Variants in PRKCE observed in about 807,000 individuals in gnomAD.
PRKCE encodes protein kinase C epsilon type.
A neutral mutation model predicts 85.4 loss-of-function variants in PRKCE; 16 were observed. The observed-to-expected ratio is 0.19, with a 90% CI of 0.13 to 0.28. The LOEUF (loss-of-function observed/expected upper bound fraction) is 0.28. Among genes scored for constraint, PRKCE ranks in the 10% least tolerant of loss-of-function variants. The pLI, the probability that PRKCE is intolerant of heterozygous loss-of-function variation, is 1.00. For synonymous variants in PRKCE, 388 were observed against 371.5 expected (o/e 1.04, Z -0.51); for missense variants, 573 against 975.2 (o/e 0.59, Z 5.49).
At chr2:46,016,216 C>T (rs769317554) in intron 10 of PRKCE, among the ~76,000 whole-genome samples, 13 of 152,108 alleles carry the variant, frequency 8.5e-5, no homozygotes, top group Non-Finnish European at 1.6e-4. Context: ...CTATGGTGTG[C>T]AAATCACTGC....
chr2:45,659,154 A>C (rs1370032156), intron 1 of PRKCE, among the ~76,000 whole-genome samples: 1 of 152,166 alleles, frequency 6.6e-6, no homozygotes, highest in African/African-American at 2.4e-5. Flanking sequence ...TTCATTGTGT[A>C]AAGGGCATCT....
chr2:45,678,581 A>ATAAGAGGT (rs1425103056), intron 1 of PRKCE, among the ~76,000 whole-genome samples: 2 of 152,106 alleles, frequency 1.3e-5, no homozygotes, highest in Admixed American at 6.5e-5. Flanking sequence ...CATTTTATAG[A>ATAAGAGGT]TAAGAGGTTA....
chr2:45,798,297 G>T (rs1412975010), intron 1 of PRKCE, among the ~76,000 whole-genome samples: 1 of 152,214 alleles, frequency 6.6e-6, no homozygotes, highest in Non-Finnish European at 1.5e-5. Context: ...GTTTTATTAT[G>T]TCTATTTTAG....
rs1040509159 is a variant in PRKCE at position 46,155,327 on chromosome 2, A to C, written c.1920+4098A>C. ...GGTGAATCTTTGATGGACCCCTTCAAGGAGCTCTTCTCAGCTCCTTGCTGG... is the reference window on the plus strand; with the variant it reads ...GGTGAATCTTTGATGGACCCCTTCACGGAGCTCTTCTCAGCTCCTTGCTGG... On this transcript the variant is annotated intron_variant, in intron 13 of 14. Coordinates refer to ENST00000306156, the MANE Select transcript of PRKCE (RefSeq NM_005400.3). This position sits in a 1 kb window ranked among gnomAD's most constrained non-coding sequence, Gnocchi z 4.7. Among the ~76,000 whole-genome samples, 2 of 152,188 alleles carry C rather than the reference A, an allele frequency of 1.3e-5. No homozygotes were observed. The highest frequency in any genetic ancestry group is 1.3e-4 in the Admixed American group (2 of 15,282).
intron 1 of PRKCE, among the ~76,000 whole-genome samples, chr2:45,771,233 A>G (rs533656411): frequency 6.6e-6 from 1 of 152,334 alleles, no homozygotes; most frequent in Non-Finnish European, 1.5e-5. Flanking sequence ...GGAAGCTGAA[A>G]GGAAAACAAA....
chr2:45,868,184 T>C (rs969933179), intron 2 of PRKCE, among the ~76,000 whole-genome samples: 2 of 149,224 alleles, frequency 1.3e-5, no homozygotes, highest in Non-Finnish European at 3.0e-5. Context: ...AAAACACCCA[T>C]GCCTGGTCTG....
intron 2 of PRKCE, among the ~76,000 whole-genome samples, chr2:45,922,654 G>A (rs115172496): frequency 4.6e-5 from 7 of 152,294 alleles, no homozygotes; most frequent in South Asian, 2.1e-4. Flanking sequence ...CTGGGGTGCC[G>A]TCAGCTCAAG....
chr2:45,716,785 A>G (rs1680163488), intron 1 of PRKCE, among the ~76,000 whole-genome samples: 1 of 152,160 alleles, frequency 6.6e-6, no homozygotes, highest in Non-Finnish European at 1.5e-5. Flanking sequence ...TAGAGGTTTA[A>G]TTGACTCACA....
At position 46,007,490 on chromosome 2, in the gene PRKCE, G is replaced by A; in HGVS notation, c.1092G>A (p.Arg364=). The change falls in exon 9 of 15, where the codon CGG becomes CGA. Residue 364 remains arginine (R), a synonymous_variant. Coordinates refer to ENST00000306156, the MANE Select transcript of PRKCE (RefSeq NM_005400.3). ...TAAAAGAACTTGAGAACAACATTCG[G>A]AAAGCCTTGTCATTTGACAACCGAG... ...QEIKELENNI[R]KALSFDNRGE... The A allele has an allele frequency of 6.3e-7, 1 of 1,599,784 alleles. No individual in the cohort carries two copies. The highest frequency in any genetic ancestry group is 8.5e-7 in the Non-Finnish European group (1 of 1,179,966).
intron 1 of PRKCE, among the ~76,000 whole-genome samples, chr2:45,737,029 G>T (rs777080162): frequency 6.6e-6 from 1 of 152,170 alleles, no homozygotes; most frequent in Non-Finnish European, 1.5e-5. Context: ...ATGGACGGTC[G>T]TCGGTCATCG....
At chr2:46,055,218 A>G (rs1360466445) in intron 10 of PRKCE, among the ~76,000 whole-genome samples, 1 of 152,226 alleles carries the variant, frequency 6.6e-6, no homozygotes, top group Non-Finnish European at 1.5e-5. Flanking sequence ...CAGGGATCAC[A>G]GCCACCACCT....
rs139924918 is a variant in PRKCE at position 45,856,511 on chromosome 2, G to T, written c.412+13448G>T. Among the ~76,000 whole-genome samples, 296 of 152,350 alleles carry T rather than the reference G, an allele frequency of 1.9e-3. 1 individual carries two copies. The highest frequency in any genetic ancestry group is 6.9e-3 in the African/African-American group (287 of 41,574). Reference sequence around the variant, plus strand: ...CTCCCAGAGTTCTTGGATTACAGGCGTGAGCCATGTGCCTGGCGCATTTAT... The same window carrying T: ...CTCCCAGAGTTCTTGGATTACAGGCTTGAGCCATGTGCCTGGCGCATTTAT... On this transcript the variant is annotated intron_variant, in intron 2 of 14. Coordinates refer to ENST00000306156, the MANE Select transcript of PRKCE (RefSeq NM_005400.3).
At chr2:45,715,771 G>T (rs935857969) in intron 1 of PRKCE, among the ~76,000 whole-genome samples, 1 of 152,162 alleles carries the variant, frequency 6.6e-6, no homozygotes, top group African/African-American at 2.4e-5. Context: ...CCTTTCTTTG[G>T]TGACTCAATT....
intron 1 of PRKCE, among the ~76,000 whole-genome samples, chr2:45,737,472 CG>C (rs533184180): frequency 6.6e-6 from 1 of 152,216 alleles, no homozygotes; most frequent in Admixed American, 6.5e-5. Context: ...TCCCCATTCA[CG>C]AAGCGGGAGA....
chr2:45,797,679 G>A (rs1372644990), intron 1 of PRKCE, among the ~76,000 whole-genome samples: 3 of 152,200 alleles, frequency 2.0e-5, no homozygotes, highest in Admixed American at 6.5e-5. Flanking sequence ...ACAGCACTAC[G>A]CAGAGGATGG....
At chr2:46,140,457 G>A (rs938516271) in intron 11 of PRKCE, among the ~76,000 whole-genome samples, 3 of 152,126 alleles carry the variant, frequency 2.0e-5, no homozygotes, top group Non-Finnish European at 4.4e-5. Flanking sequence ...AAGGGACTGG[G>A]ACAACTTACT....
rs566103718 is a variant in PRKCE at position 46,178,082 on chromosome 2, A to G, written c.2068-6653A>G. Among the ~76,000 whole-genome samples the G allele has an allele frequency of 9.9e-4, 151 of 152,320 alleles. 1 individual carries two copies. Among genetic ancestry groups the G allele is most frequent in the African/African-American group, 3.4e-3 (143 of 41,566 alleles). On this transcript the variant is annotated intron_variant, in intron 14 of 14. Transcript: ENST00000306156. ...CGAGACCAGCCTGACCAACAGGGAG[A>G]TACCCCATCTCTACTAAAAATACAA...
At chr2:46,124,943 G>A (rs11693216) in intron 11 of PRKCE, among the ~76,000 whole-genome samples, 1 of 152,152 alleles carries the variant, frequency 6.6e-6, no homozygotes, top group Non-Finnish European at 1.5e-5. Context: ...TTAAATCTTA[G>A]CTGGAAAAAG....
At chr2:45,726,437 G>A (rs1465024678) in intron 1 of PRKCE, among the ~76,000 whole-genome samples, 2 of 152,104 alleles carry the variant, frequency 1.3e-5, no homozygotes, top group African/African-American at 4.8e-5. Flanking sequence ...TGTCAACATC[G>A]AGGCACGATT....
Sources: gnomAD v4.1 joint callset for allele counts (sites outside exome capture counted in the v4.1 genomes callset) on GRCh38, gnomAD v4.1.1 for gene constraint, Gnocchi (gnomAD v3.1) non-coding constraint, MANE v1.5 for transcripts, NCBI Gene and HGNC (gene_info 2026-07-23, HGNC 2026-07-21) for gene names.